The following ZNF662 variants were observed in gnomAD, a reference collection of about 807,000 sequenced individuals.
ZNF662 encodes the protein zinc finger protein 662.
ZNF662 carries 14 observed loss-of-function variants against 12.4 expected under a neutral mutation model. That is an observed-to-expected ratio of 1.13 (90% CI 0.75 to 1.77). The LOEUF (loss-of-function observed/expected upper bound fraction) is 1.77. ZNF662 is among the 40% of genes most tolerant of loss of function. The probability of loss-of-function intolerance (pLI) is 0.00; values close to 1 mark genes in which losing one functional copy is unlikely to be tolerated. For missense variants in ZNF662, 550 were observed against 515.6 expected, an observed-to-expected ratio of 1.07 and a Z score of -0.65; for synonymous variants, 184 against 176.4, an observed-to-expected ratio of 1.04 and a Z score of -0.34.
intron 2 of ZNF662, chr3:42,908,575 GCTGA>G: frequency 7.3e-7 from 1 of 1,377,136 alleles, no homozygotes; most frequent in Non-Finnish European, 9.4e-7. Context: ...TCATCCATTT[GCTGA>G]CTCAAACAGT....
At chr3:42,909,945 CG>C (rs1020463658) in intron 3 of ZNF662, among the ~76,000 whole-genome samples, 16 of 151,824 alleles carry the variant, frequency 1.1e-4, no homozygotes, top group Non-Finnish European at 1.6e-4. Flanking sequence ...ACTTCCTAGA[CG>C]GGGTGGCGGC....
At position 42,915,203 on chromosome 3, in the gene ZNF662, G is replaced by A. The variant is rs1000293316; in HGVS notation, c.1130G>A (p.Arg377Gln). 4.3e-6 allele frequency: 7 copies of A among 1,613,804 alleles called. No homozygotes were observed. The highest frequency in any genetic ancestry group is 4.5e-5 in the East Asian group (2 of 44,848). Residue 377 changes from arginine to glutamine, a missense_variant, in exon 5 of 5, where the codon CGA becomes CAA. Physicochemically the swap from Arg to Gln is conservative, Grantham distance 43 (BLOSUM62 1). Transcript: ENST00000440367. ...TTCTTTTGCAAGGCACATCTTATTC[G>A]ACATCAAAGAATCCATACTGGGGAA... ...KSFFCKAHLI[R>Q]HQRIHTGERP...
At position 42,913,314 on chromosome 3, in the gene ZNF662, G is replaced by A; in HGVS notation, c.253+12G>A. The A allele has an allele frequency of 6.3e-7, 1 of 1,586,192 alleles. No individual in the cohort carries two copies. The highest frequency in any genetic ancestry group is 1.1e-5 in the South Asian group (1 of 90,344). ...CCTGATTTGTCCGGGTAAGTGAGAGGGAAATGAGCATTCTTCTCTCAGTCA... is the reference window on the plus strand; with the variant it reads ...CCTGATTTGTCCGGGTAAGTGAGAGAGAAATGAGCATTCTTCTCTCAGTCA... On this transcript the variant is annotated intron_variant, in intron 4 of 4. Transcript: ENST00000440367.
intron 3 of ZNF662, 128 bp downstream of exon 3, chr3:42,909,037 C>G: frequency 1.7e-6 from 1 of 580,598 alleles, no homozygotes; most frequent in Non-Finnish European, 2.8e-6. Flanking sequence ...TCTCTGTGTT[C>G]CCATAGTTTT....
Position 42,910,998 on chromosome 3 carries a change from C to G in ZNF662, c.151+2089C>G, listed in dbSNP as rs1324383046. Among the ~76,000 whole-genome samples the G allele has an allele frequency of 3.3e-5, 5 of 152,152 alleles. No homozygotes were observed. In the East Asian group the frequency reaches 5.8e-4, roughly 18 times the overall value. On this transcript the variant is annotated intron_variant, in intron 3 of 4. Coordinates refer to ENST00000440367, the MANE Select transcript of ZNF662 (RefSeq NM_207404.4). ...CTGTCTCCGTATGTGTTGGCTTTGT[C>G]TACAGTCTGGCTCCCCTTTTGGTTG...
In ZNF662 at chr3:42,918,370, T is replaced by C. The variant is rs1252027606; in HGVS notation, c.*3016T>C. On this transcript the variant is annotated 3_prime_UTR_variant, in exon 5 of 5. Transcript: ENST00000440367. ...ATGCAGGTTTTCCATCTCACTAAAC[T>C]GAATACCAGGCCACCACACATGAGC... 6.6e-6 allele frequency among the ~76,000 whole-genome samples: 1 copy of C among 152,044 alleles called. No individual in the cohort carries two copies. Among genetic ancestry groups the C allele is most frequent in the African/African-American group, 2.4e-5 (1 of 41,440 alleles).
rs1168770081 is a variant in ZNF662 at position 42,913,783 on chromosome 3, T to G, written c.253+481T>G. Among the ~76,000 whole-genome samples the G allele has an allele frequency of 2.0e-5, 3 of 152,202 alleles. No individual in the cohort carries two copies. In the East Asian group the frequency reaches 5.8e-4, roughly 29 times the overall value. On this transcript the variant is annotated intron_variant, in intron 4 of 4. Coordinates refer to ENST00000440367, the MANE Select transcript of ZNF662 (RefSeq NM_207404.4). ...AAAGAGGAGGGAGTCTTTTCCGAGT[T>G]CTGCCTGGAGTAGTTTGAGAAAGCA...
intron 2 of ZNF662, 176 bp from the exon 3 acceptor site, chr3:42,908,617 C>T (rs1160362865): frequency 2.1e-5 from 30 of 1,452,106 alleles, no homozygotes; most frequent in Non-Finnish European, 2.7e-5. Flanking sequence ...ACTTCCTGAC[C>T]TTTGTAAGTC....
Position 42,906,529 on chromosome 3 carries a change from G to A in ZNF662, c.-94+361G>A. Reference sequence around the variant, plus strand: ...CGGGGTGGTGCGGCGGCTGGGAAATGGGGGTACAACCCAGAGTGAGGGGCC... The same window carrying A: ...CGGGGTGGTGCGGCGGCTGGGAAATAGGGGTACAACCCAGAGTGAGGGGCC... On this transcript the variant is annotated intron_variant, in intron 1 of 4. Transcript: ENST00000440367. This position sits in a 1 kb window ranked among gnomAD's most constrained non-coding sequence, Gnocchi z 4.4. The A allele has an allele frequency of 8.2e-7, 1 of 1,221,560 alleles. No homozygotes were observed. Among genetic ancestry groups the A allele is most frequent in the Non-Finnish European group, 1.1e-6 (1 of 924,394 alleles). 75.7% of individuals were successfully genotyped at this position (1,221,560 alleles called of 1,614,324 possible).
chr3:42,911,718 GAAAGCAGA>G (rs75901092), intron 3 of ZNF662, among the ~76,000 whole-genome samples: 24,230 of 152,032 alleles, frequency 0.16, 2,062 homozygotes, highest in Non-Finnish European at 0.19. Context: ...CAGTTCTAGC[GAAAGCAGA>G]AGTAAGGTGT....
rs1194841083 is a variant in ZNF662, at chr3:42,917,482, G to A, written c.*2128G>A. ...CTCAAGCTTCCAGGTGCTACCATATGGAGCCTAAGGATAAAGCCAATACCA... is the reference window on the plus strand; with the variant it reads ...CTCAAGCTTCCAGGTGCTACCATATAGAGCCTAAGGATAAAGCCAATACCA... On this transcript the variant is annotated 3_prime_UTR_variant, in exon 5 of 5. Transcript: ENST00000440367. 1.4e-6 allele frequency: 1 copy of A among 699,498 alleles called. No homozygotes were observed. Among genetic ancestry groups the A allele is most frequent in the Admixed American group, 2.0e-5 (1 of 49,192 alleles). 43.3% of individuals were successfully genotyped at this position (699,498 alleles called of 1,614,324 possible). A position where few individuals can be genotyped will look rare whatever the true frequency, so the allele number is the denominator to read the frequency against.
In ZNF662 at chr3:42,915,649, G is replaced by A. The variant is rs1423312511; in HGVS notation, c.*295G>A. ...GTGCTCTTCTCCCCATTTTACAAATGAGAAATCTGAGTTGAAAGAGGTTAT... is the reference window on the plus strand; with the variant it reads ...GTGCTCTTCTCCCCATTTTACAAATAAGAAATCTGAGTTGAAAGAGGTTAT... On this transcript the variant is annotated 3_prime_UTR_variant, in exon 5 of 5. Coordinates refer to ENST00000440367, the MANE Select transcript of ZNF662 (RefSeq NM_207404.4). 7.2e-6 allele frequency: 2 copies of A among 277,336 alleles called. No individual in the cohort carries two copies. The highest frequency in any genetic ancestry group is 1.3e-4 in the East Asian group (2 of 15,196). 17.2% of individuals were successfully genotyped at this position (277,336 alleles called of 1,614,324 possible). A position where few individuals can be genotyped will look rare whatever the true frequency, so the allele number is the denominator to read the frequency against.
chr3:42,910,966 C>A (rs942587313), intron 3 of ZNF662, among the ~76,000 whole-genome samples: 2 of 152,200 alleles, frequency 1.3e-5, no homozygotes, highest in Non-Finnish European at 2.9e-5. Context: ...GAACTACATT[C>A]TCTGCTCTGT....
At position 42,915,147 on chromosome 3, in the gene ZNF662, G is replaced by C; in HGVS notation, c.1074G>C (p.Lys358Asn). 6.2e-7 allele frequency: 1 copy of C among 1,614,122 alleles called. No homozygotes were observed. The highest frequency in any genetic ancestry group is 8.5e-7 in the Non-Finnish European group (1 of 1,180,012). ...SQHQRVHTGD[K>N]PHECTDCGKS... ...ACCAGAGGGTCCACACTGGGGACAA[G>C]CCTCATGAATGTACTGACTGTGGGA... is the stretch of plus-strand genomic sequence containing the variant. Residue 358 changes from lysine (K) to asparagine (N), a missense_variant, in exon 5 of 5, where the codon AAG becomes AAC. Transcript: ENST00000440367.
intron 3 of ZNF662, among the ~76,000 whole-genome samples, chr3:42,910,393 C>T (rs2088769597): frequency 6.6e-6 from 1 of 152,100 alleles, no homozygotes; most frequent in African/African-American, 2.4e-5. Flanking sequence ...TTTATATCTT[C>T]TTGAGTTCTT....
In ZNF662 at chr3:42,906,677, C is replaced by A. The variant is rs564335081; in HGVS notation, c.-94+509C>A. Among the ~76,000 whole-genome samples, 21 of 152,136 alleles carry A rather than the reference C, an allele frequency of 1.4e-4. No individual in the cohort carries two copies. Among genetic ancestry groups the A allele is most frequent in the African/African-American group, 4.1e-4 (17 of 41,494 alleles). ...AGAGCGCACAGAGTGCTGTCGGGGG[C>A]GATGAATGGCCAGAATTTCAGAGCT... is the stretch of plus-strand genomic sequence containing the variant. On this transcript the variant is annotated intron_variant, in intron 1 of 4. Coordinates refer to ENST00000440367, the MANE Select transcript of ZNF662 (RefSeq NM_207404.4). This position sits in a 1 kb window ranked among gnomAD's most constrained non-coding sequence, Gnocchi z 4.4.
intron 1 of ZNF662, among the ~76,000 whole-genome samples, chr3:42,907,428 G>A (rs1365105755): frequency 6.6e-6 from 1 of 152,142 alleles, no homozygotes; most frequent in Admixed American, 6.6e-5. Flanking sequence ...GACAAAGGAG[G>A]AAGAGTCCTA....
At chr3:42,912,982 A>T (rs900535844) in intron 3 of ZNF662, among the ~76,000 whole-genome samples, 7 of 151,442 alleles carry the variant, frequency 4.6e-5, no homozygotes, top group African/African-American at 1.5e-4. Flanking sequence ...ACCTCAGGTG[A>T]TCCACCCACC....
intron 4 of ZNF662, among the ~76,000 whole-genome samples, chr3:42,913,778 C>T (rs541431730): frequency 2.6e-5 from 4 of 152,210 alleles, no homozygotes; most frequent in South Asian, 2.1e-4. Context: ...GAGTCTTTTC[C>T]GAGTTCTGCC....
Sources: gnomAD v4.1 joint callset for allele counts (sites outside exome capture counted in the v4.1 genomes callset) on GRCh38, gnomAD v4.1.1 for gene constraint, Gnocchi (gnomAD v3.1) non-coding constraint, MANE v1.5 for transcripts, NCBI Gene and HGNC (gene_info 2026-07-23, HGNC 2026-07-21) for gene names.